The following EIF4G3 variants were observed in gnomAD, a reference collection of about 807,000 sequenced individuals.
The protein encoded by EIF4G3 is eIF-4-gamma 3.
EIF4G3 carries 34 observed loss-of-function variants against 186.4 expected under a neutral mutation model. That is an observed-to-expected ratio of 0.18 (90% confidence interval 0.14 to 0.24). The LOEUF is 0.24. EIF4G3 is among the 10% of genes least tolerant of loss of function. EIF4G3 has a pLI of 1.00. For synonymous variants in EIF4G3, 673 were observed against 679.5 expected (o/e 0.99, Z 0.15); for missense variants, 1,536 against 1,948.5 (o/e 0.79, Z 3.99).
chr1:21,064,556 ACTG>A (rs1279817682), intron 3 of EIF4G3: 1 of 152,206 alleles, frequency 6.6e-6, no homozygotes, highest in Non-Finnish European at 1.5e-5. Flanking sequence ...TATTTCTTTC[ACTG>A]CTAATAGAAT....
In EIF4G3 at chr1:21,159,432, A is replaced by T. The variant is rs574145057; in HGVS notation, c.-272+16743T>A. Among the ~76,000 whole-genome samples the T allele has an allele frequency of 1.5e-3, 195 of 133,684 alleles. 3 individuals are homozygous for T. The highest frequency in any genetic ancestry group is 1.4e-3 in the East Asian group (7 of 4,942). The allele number at this position is 133,684 out of a possible 152,430, so 87.7% of individuals were successfully genotyped here. ...AGCCTGGGTGACAGAGCAAGGGTTTAAAAAAAAAAAAAAGAAAAAAAAAGG... is the reference window on the plus strand; with the variant it reads ...AGCCTGGGTGACAGAGCAAGGGTTTTAAAAAAAAAAAAAGAAAAAAAAAGG... On this transcript the variant is annotated intron_variant, in intron 2 of 36. Transcript: ENST00000602326.
chr1:21,166,130 A>G (rs1432447310), intron 2 of EIF4G3, among the ~76,000 whole-genome samples: 2 of 96,558 alleles, frequency 2.1e-5, no homozygotes, highest in Non-Finnish European at 5.3e-5. Flanking sequence ...TTCCTTTTAA[A>G]AATTCATACT....
At chr1:20,907,192 G>T (rs2092343109) in intron 14 of EIF4G3, among the ~76,000 whole-genome samples, 1 of 152,134 alleles carries the variant, frequency 6.6e-6, no homozygotes, top group Admixed American at 6.5e-5. Context: ...CAAAGACATA[G>T]ATTGTTTCCT....
intron 2 of EIF4G3, among the ~76,000 whole-genome samples, chr1:21,120,517 A>G (rs1235776385): frequency 6.6e-6 from 1 of 151,556 alleles, no homozygotes; most frequent in Non-Finnish European, 1.5e-5. Context: ...AATCCCAGCT[A>G]CTTGAGCAGA....
chr1:20,981,481 T>C (rs1184458533), intron 8 of EIF4G3, among the ~76,000 whole-genome samples: 1 of 151,802 alleles, frequency 6.6e-6, no homozygotes, highest in Non-Finnish European at 1.5e-5. Flanking sequence ...CGTATGTATA[T>C]ATGCATACAT....
chr1:21,071,749 T>C (rs1313445862), intron 3 of EIF4G3, among the ~76,000 whole-genome samples: 3 of 147,526 alleles, frequency 2.0e-5, no homozygotes, highest in African/African-American at 7.6e-5. Flanking sequence ...GAGATTGCAG[T>C]GAGTCAAGAT....
intron 4 of EIF4G3, among the ~76,000 whole-genome samples, chr1:21,031,544 A>G (rs1047093876): frequency 9.9e-5 from 15 of 152,134 alleles, no homozygotes; most frequent in African/African-American, 3.6e-4. Context: ...TTGAAGTGGA[A>G]GGATTTCTAA....
chr1:21,070,578 C>T (rs12078457), intron 3 of EIF4G3, among the ~76,000 whole-genome samples: 66,380 of 151,808 alleles, frequency 0.44, 14,849 homozygotes, highest in Non-Finnish European at 0.47. Flanking sequence ...CTACATTCTT[C>T]TTAACTATTA....
At chr1:21,073,598 A>C (rs2095503961) in intron 3 of EIF4G3, 1 of 496,996 alleles carries the variant, frequency 2.0e-6, no homozygotes, top group Non-Finnish European at 4.0e-6. Flanking sequence ...TAGGCCTCAC[A>C]GCATGGACCC....
intron 2 of EIF4G3, among the ~76,000 whole-genome samples, chr1:21,105,879 T>C (rs2096608642): frequency 6.6e-6 from 1 of 152,086 alleles, no homozygotes; most frequent in African/African-American, 2.4e-5. Context: ...CCTGGGCAAC[T>C]TGTCAAGAAC....
At chr1:21,160,142 GAA>G (rs1159679601) in intron 2 of EIF4G3, among the ~76,000 whole-genome samples, 3 of 148,796 alleles carry the variant, frequency 2.0e-5, no homozygotes, top group African/African-American at 7.4e-5. Flanking sequence ...CTTCTTGAAA[GAA>G]CACAGAAATC....
At chr1:21,057,848 A>C (rs1423233109) in intron 3 of EIF4G3, among the ~76,000 whole-genome samples, 1 of 152,208 alleles carries the variant, frequency 6.6e-6, no homozygotes, top group Non-Finnish European at 1.5e-5. Context: ...ATTTTGACTC[A>C]GTGGAAACTT....
chr1:21,152,000 AG>A (rs1162772209), intron 2 of EIF4G3, among the ~76,000 whole-genome samples: 1 of 152,190 alleles, frequency 6.6e-6, no homozygotes, highest in Non-Finnish European at 1.5e-5. Context: ...CAATTCCATG[AG>A]GTAAGACTGA....
rs112660426 is a variant in EIF4G3 at position 21,169,047 on chromosome 1, T to C, written c.-272+7128A>G. ...TTAGCTAGGTGTGGTGGCACACACC[T>C]GTGGTCCGAGCTCCTTGGGAGGCTG... On this transcript the variant is annotated intron_variant, in intron 2 of 36. Coordinates refer to ENST00000602326, the MANE Select transcript of EIF4G3 (RefSeq NM_001391906.1). Among the ~76,000 whole-genome samples, 1,198 of 151,564 alleles carry C rather than the reference T, an allele frequency of 7.9e-3. 13 individuals carry two copies. Among genetic ancestry groups the C allele is most frequent in the Non-Finnish European group, 0.014 (961 of 67,924 alleles).
chr1:21,136,051 C>T (rs1398879049), intron 2 of EIF4G3, among the ~76,000 whole-genome samples: 1 of 151,848 alleles, frequency 6.6e-6, no homozygotes, highest in African/African-American at 2.4e-5. Flanking sequence ...GGCACGGTGG[C>T]GGGCGCCTGT....
chr1:21,133,166 T>G (rs1184213561), intron 2 of EIF4G3, among the ~76,000 whole-genome samples: 1 of 152,182 alleles, frequency 6.6e-6, no homozygotes, highest in African/African-American at 2.4e-5. Flanking sequence ...ATGTAGCAGA[T>G]TTAAATAATA....
intron 7 of EIF4G3, among the ~76,000 whole-genome samples, chr1:20,984,903 T>C (rs567611235): frequency 6.6e-6 from 1 of 152,322 alleles, no homozygotes; most frequent in Non-Finnish European, 1.5e-5. Flanking sequence ...ATATGTTAAC[T>C]CATGCTCATA....
chr1:20,872,504 T>C (rs2079500613), intron 20 of EIF4G3, among the ~76,000 whole-genome samples: 3 of 152,246 alleles, frequency 2.0e-5, no homozygotes, highest in South Asian at 2.1e-4. Flanking sequence ...ACTCTATTGC[T>C]TGTTTTTGTT....
chr1:20,910,515 T>G (rs921013942), intron 14 of EIF4G3, among the ~76,000 whole-genome samples: 1 of 152,048 alleles, frequency 6.6e-6, no homozygotes, highest in Admixed American at 6.6e-5. Context: ...ACCTGGGAGG[T>G]GGAGGTTGCA....
Sources: gnomAD v4.1 joint callset for allele counts (sites outside exome capture counted in the v4.1 genomes callset) on GRCh38, gnomAD v4.1.1 for gene constraint, MANE v1.5 for transcripts, NCBI Gene and HGNC (gene_info 2026-07-23, HGNC 2026-07-21) for gene names.